Variants in ADGRL2 observed in about 807,000 individuals in gnomAD.
The protein encoded by ADGRL2 is adhesion G protein-coupled receptor L2.
A neutral mutation model predicts 157.4 loss-of-function variants in ADGRL2; 44 were observed. The observed-to-expected ratio is 0.28, with a 90% CI of 0.22 to 0.36. The LOEUF is 0.36. Ranked by LOEUF, ADGRL2 falls within the 10% of genes least tolerant of loss-of-function variation. The pLI, the probability that ADGRL2 is intolerant of heterozygous loss-of-function variation, is 1.00. For missense variants in ADGRL2, 1,510 were observed against 1,768.9 expected (o/e 0.85, Z 2.63); for synonymous variants, 585 against 624.7 (o/e 0.94, Z 0.95).
intron 2 of ADGRL2, chr1:81,502,427 C>G: frequency 6.2e-7 from 1 of 1,614,020 alleles, no homozygotes; most frequent in Non-Finnish European, 8.5e-7. Context: ...GGACGGTGAT[C>G]CTGAAAGGAA....
chr1:81,873,467 A>G (rs963805147), intron 2 of ADGRL2, among the ~76,000 whole-genome samples: 2 of 152,120 alleles, frequency 1.3e-5, no homozygotes, highest in Non-Finnish European at 2.9e-5. Flanking sequence ...TGAAATGTAA[A>G]AAAACCATTT....
chr1:81,691,879 T>TATATATATATATATA (rs774224981), intron 3 of ADGRL2, among the ~76,000 whole-genome samples: 1 of 87,338 alleles, frequency 1.1e-5, no homozygotes, highest in Non-Finnish European at 2.5e-5. Context: ...TGTGTGTGTG[T>TATATATATATATATA]GTATATATAT....
chr1:81,737,657 T>C (rs562017317), intron 1 of ADGRL2, among the ~76,000 whole-genome samples: 7 of 152,336 alleles, frequency 4.6e-5, no homozygotes, highest in Admixed American at 6.5e-5. Context: ...TGTATTTATA[T>C]ATTTTAAGGT....
At chr1:81,942,103 C>A (rs1227678849) in intron 5 of ADGRL2, 58 bp downstream of exon 5, 2 of 680,354 alleles carry the variant, frequency 2.9e-6, no homozygotes, top group Admixed American at 4.3e-5. Flanking sequence ...GGATGTTAAC[C>A]TCCTCCCTCC....
chr1:81,617,129 G>C (rs904416962), intron 3 of ADGRL2, among the ~76,000 whole-genome samples: 1 of 152,248 alleles, frequency 6.6e-6, no homozygotes, highest in Non-Finnish European at 1.5e-5. Flanking sequence ...TTAGGAACCT[G>C]GTTGCATGGC....
At chr1:81,388,677 A>G (rs559361395) in intron 1 of ADGRL2, among the ~76,000 whole-genome samples, 72 of 152,278 alleles carry the variant, frequency 4.7e-4, no homozygotes, top group Middle Eastern at 6.8e-3. Flanking sequence ...GTAAACGTGT[A>G]TGAGGAAGTG....
At chr1:81,437,116 AG>A (rs2077423813) in intron 1 of ADGRL2, among the ~76,000 whole-genome samples, 1 of 152,198 alleles carries the variant, frequency 6.6e-6, no homozygotes, top group Non-Finnish European at 1.5e-5. Context: ...AAAGTCTTTT[AG>A]GGGAATTTCA....
intron 2 of ADGRL2, among the ~76,000 whole-genome samples, chr1:81,555,271 T>TTTC (rs1557455907): frequency 3.3e-5 from 5 of 150,076 alleles, no homozygotes; most frequent in African/African-American, 1.2e-4. Context: ...TTTTCTTTTT[T>TTTC]TTTTTTTTTT....
chr1:81,523,055 G>GAA (rs11410947), intron 2 of ADGRL2, among the ~76,000 whole-genome samples: 1 of 151,524 alleles, frequency 6.6e-6, no homozygotes, highest in African/African-American at 2.4e-5. Flanking sequence ...AAGTTACCTG[G>GAA]AAAAAAAATT....
At chr1:81,571,351 T>A (rs968345664) in intron 2 of ADGRL2, among the ~76,000 whole-genome samples, 2 of 136,830 alleles carry the variant, frequency 1.5e-5, no homozygotes, top group South Asian at 2.2e-4. Context: ...TATATATACA[T>A]ATATATATAT....
At chr1:81,427,045 AC>A in intron 1 of ADGRL2, 2 of 1,250,400 alleles carry the variant, frequency 1.6e-6, no homozygotes, top group Non-Finnish European at 2.3e-6. Context: ...ATTCAGAAAT[AC>A]CACACTATTA....
At chr1:81,334,560 C>T (rs975050411) in intron 1 of ADGRL2, among the ~76,000 whole-genome samples, 2 of 152,032 alleles carry the variant, frequency 1.3e-5, no homozygotes, top group Admixed American at 6.6e-5. Flanking sequence ...TTAAAATTGA[C>T]GTTACATAAA....
intron 1 of ADGRL2, among the ~76,000 whole-genome samples, chr1:81,325,906 C>A (rs1169131135): frequency 1.3e-5 from 2 of 152,002 alleles, no homozygotes; most frequent in Non-Finnish European, 2.9e-5. Flanking sequence ...ATGATTTATT[C>A]TAGGCCCAGA....
At chr1:81,684,106 C>T (rs1423586145) in intron 3 of ADGRL2, among the ~76,000 whole-genome samples, 2 of 152,104 alleles carry the variant, frequency 1.3e-5, no homozygotes, top group African/African-American at 2.4e-5. Flanking sequence ...TGAGCCACTG[C>T]GCCCGGCCAA....
chr1:81,713,791 G>A (rs987744906), intron 1 of ADGRL2, among the ~76,000 whole-genome samples: 1 of 152,180 alleles, frequency 6.6e-6, no homozygotes, highest in Admixed American at 6.5e-5. Context: ...ACCCTGAGGG[G>A]CTTGTCTCAA....
intron 1 of ADGRL2, among the ~76,000 whole-genome samples, chr1:81,351,208 TTTTTA>T (rs1212531430): frequency 9.2e-5 from 14 of 152,008 alleles, no homozygotes; most frequent in Non-Finnish European, 1.8e-4. Flanking sequence ...GTCCAGATGT[TTTTTA>T]TTTATTTGTG....
chr1:81,574,756 C>G lies in ADGRL2; in HGVS notation c.-247-6120C>G, dbSNP rs2080764368. On this transcript the variant is annotated intron_variant, in intron 2 of 24. Transcript: ENST00000370721. Reference sequence around the variant, plus strand: ...CTAGCAGCAGTACCTTGAATAGTAACAGCTTTCACACAATGTCATTCAACA... The same window carrying G: ...CTAGCAGCAGTACCTTGAATAGTAAGAGCTTTCACACAATGTCATTCAACA... Among the ~76,000 whole-genome samples, 3 of 152,158 alleles carry G rather than the reference C, an allele frequency of 2.0e-5. No individual in the cohort carries two copies. In the South Asian group the frequency reaches 6.2e-4, roughly 32 times the overall value.
intron 18 of ADGRL2, among the ~76,000 whole-genome samples, 175 bp downstream of exon 18, chr1:81,980,135 G>C (rs1661246810): frequency 6.6e-6 from 1 of 151,666 alleles, no homozygotes; most frequent in South Asian, 2.1e-4. Flanking sequence ...TCAAAAATTA[G>C]ATAATAATTG....
chr1:81,720,654 T>C (rs1413391650), intron 1 of ADGRL2, among the ~76,000 whole-genome samples: 1 of 151,980 alleles, frequency 6.6e-6, no homozygotes, highest in Non-Finnish European at 1.5e-5. Context: ...TAACACAAAT[T>C]TCAGTTATAC....
Sources: gnomAD v4.1 joint callset for allele counts (sites outside exome capture counted in the v4.1 genomes callset) on GRCh38, gnomAD v4.1.1 for gene constraint, MANE v1.5 for transcripts, NCBI Gene and HGNC (gene_info 2026-07-23, HGNC 2026-07-21) for gene names.